The following RMDN2 variants were observed in gnomAD, a reference collection of about 807,000 sequenced individuals.
RMDN2 encodes the protein regulator of microtubule dynamics 2.
RMDN2 carries 61 observed loss-of-function variants against 52.8 expected under a neutral mutation model. The observed-to-expected ratio is 1.16, with a 90% CI of 0.94 to 1.43. The LOEUF (loss-of-function observed/expected upper bound fraction) is 1.43, where lower values mean the gene tolerates loss of function less well. Among genes scored for constraint, RMDN2 ranks in the 40% most tolerant of loss-of-function variants. The pLI is 0.00. For missense variants in RMDN2, 592 were observed against 475.3 expected, an observed-to-expected ratio of 1.25 and a Z score of -2.28; for synonymous variants, 180 against 153.1, an observed-to-expected ratio of 1.18 and a Z score of -1.30.
intron 2 of RMDN2, chr2:37,951,984 A>T (rs368297189): frequency 6.2e-7 from 1 of 1,613,380 alleles, no homozygotes; most frequent in Admixed American, 1.7e-5. Flanking sequence ...TGAAAGTTAC[A>T]GCACAGATCA....
At chr2:37,940,287 C>G (rs765791607) in intron 2 of RMDN2, among the ~76,000 whole-genome samples, 1 of 152,122 alleles carries the variant, frequency 6.6e-6, no homozygotes, top group Non-Finnish European at 1.5e-5. Flanking sequence ...GTGGGTAACT[C>G]GACCTTTCTC....
Position 37,929,717 on chromosome 2 carries a change from A to T in RMDN2, c.440A>T (p.Glu147Val), listed in dbSNP as rs1666564316. The change falls in exon 2 of 11, where the codon GAA becomes GTA. Residue 147 changes from glutamate (E) to valine (V), a missense_variant. Physicochemically the swap from Glu to Val is moderately radical, Grantham distance 121. Coordinates refer to ENST00000354545, the MANE Select transcript of RMDN2 (RefSeq NM_001170791.3). ...ACAAGTAATAGTTCAGAGGAAGCAG[A>T]AAGTGAAGGAGGGTAAGTTTCTTTA... ...SATSNSSEEA[E>V]SEGGYITANT... 1 of 1,507,740 alleles carries T rather than the reference A, an allele frequency of 6.6e-7. No individual in the cohort carries two copies. Among genetic ancestry groups the T allele is most frequent in the African/African-American group, 1.4e-5 (1 of 70,464 alleles). 93.4% of individuals were successfully genotyped at this position (1,507,740 alleles called of 1,614,324 possible).
intron 5 of RMDN2, 54 bp from the exon 6 acceptor site, chr2:37,989,487 T>C: frequency 8.8e-7 from 1 of 1,137,540 alleles, no homozygotes; most frequent in Non-Finnish European, 1.3e-6. Flanking sequence ...TGGTGGCATT[T>C]TGTTAAAAAT....
chr2:38,012,973 C>T (rs1050204982), intron 10 of RMDN2, among the ~76,000 whole-genome samples: 1 of 152,214 alleles, frequency 6.6e-6, no homozygotes, highest in Non-Finnish European at 1.5e-5. Flanking sequence ...GCTCATCACA[C>T]TGCTAGTTGA....
chr2:37,978,777 C>CAGATAGATAGATAGATAGAT lies in RMDN2; in HGVS notation c.731-2486_731-2467dup, dbSNP rs1213724373. ...TGGGTAACAGAGCAAGACCCTTTCT[C>CAGATAGATAGATAGATAGAT]AGATAGATAGATAGATAGATAGATA... On this transcript the variant is annotated intron_variant, in intron 4 of 10. Transcript: ENST00000354545. Among the ~76,000 whole-genome samples, 779 of 148,856 alleles carry CAGATAGATAGATAGATAGAT rather than the reference C, an allele frequency of 5.2e-3. 1 individual carries two copies. Among genetic ancestry groups the CAGATAGATAGATAGATAGAT allele is most frequent in the Middle Eastern group, 0.01 (3 of 292 alleles).
intron 7 of RMDN2, among the ~76,000 whole-genome samples, chr2:37,993,933 C>A (rs1385817033): frequency 6.6e-6 from 1 of 152,150 alleles, no homozygotes; most frequent in African/African-American, 2.4e-5. Context: ...CTTCAATGTA[C>A]ATTACCTGTC....
chr2:37,927,259 ATGT>A (rs1461996866), intron 1 of RMDN2, among the ~76,000 whole-genome samples: 1 of 152,228 alleles, frequency 6.6e-6, no homozygotes, highest in African/African-American at 2.4e-5. Context: ...AATCTCCCAC[ATGT>A]TGTGGGTGCA....
intron 10 of RMDN2, among the ~76,000 whole-genome samples, chr2:38,006,420 G>A (rs192987453): frequency 2.6e-4 from 39 of 152,196 alleles, no homozygotes; most frequent in East Asian, 1.7e-3. Flanking sequence ...GGTCCTTCAC[G>A]TCCCTTGTAA....
chr2:38,009,131 C>G (rs1202427467), intron 10 of RMDN2, among the ~76,000 whole-genome samples: 2 of 152,186 alleles, frequency 1.3e-5, no homozygotes, highest in African/African-American at 4.8e-5. Flanking sequence ...TCTGGCTGCC[C>G]TTAACATTTT....
At chr2:38,000,191 A>G (rs1407526717) in intron 8 of RMDN2, among the ~76,000 whole-genome samples, 3 of 152,140 alleles carry the variant, frequency 2.0e-5, no homozygotes, top group African/African-American at 7.2e-5. Flanking sequence ...AAACTATAGC[A>G]TGCTTCCCAC....
chr2:37,948,627 A>G (rs1381667592), intron 2 of RMDN2, among the ~76,000 whole-genome samples: 3 of 152,162 alleles, frequency 2.0e-5, no homozygotes, highest in Non-Finnish European at 4.4e-5. Context: ...AAAGGAGGCA[A>G]TTTGCAGACA....
downstream of RMDN2, among the ~76,000 whole-genome samples, chr2:38,019,819 G>A (rs778393053): frequency 5.9e-5 from 9 of 152,098 alleles, no homozygotes; most frequent in Non-Finnish European, 8.8e-5. Context: ...CAGCTACTTG[G>A]GAGGCTGAGG....
chr2:38,048,178 C>T (rs1167644865), intron 10 of RMDN2, among the ~76,000 whole-genome samples: 1 of 152,248 alleles, frequency 6.6e-6, no homozygotes, highest in African/African-American at 2.4e-5. Flanking sequence ...GGCTTTGCTG[C>T]AGTCCTCCCT....
At chr2:37,938,873 G>C (rs897871879) in intron 2 of RMDN2, among the ~76,000 whole-genome samples, 1 of 152,044 alleles carries the variant, frequency 6.6e-6, no homozygotes, top group African/African-American at 2.4e-5. Flanking sequence ...ATTTTTTGAA[G>C]AGTTTTTTGA....
intron 5 of RMDN2, among the ~76,000 whole-genome samples, chr2:37,986,189 TC>T: frequency 6.6e-6 from 1 of 152,288 alleles, no homozygotes; most frequent in South Asian, 2.1e-4. Flanking sequence ...TTAGAATTGT[TC>T]CCCAAACTGG....
chr2:38,000,036 A>G (rs577503844), intron 8 of RMDN2, among the ~76,000 whole-genome samples: 3 of 152,344 alleles, frequency 2.0e-5, no homozygotes, highest in Non-Finnish European at 2.9e-5. Flanking sequence ...AACATGTTAA[A>G]TGTTCTAACT....
chr2:37,968,734 A>G (rs1395520786), intron 2 of RMDN2, among the ~76,000 whole-genome samples: 2 of 152,184 alleles, frequency 1.3e-5, no homozygotes, highest in East Asian at 1.9e-4. Context: ...TGCATGTAGA[A>G]CAAATGTTTG....
Position 37,929,382 on chromosome 2 carries a change from A to G in RMDN2, c.105A>G (p.Ile35Met). The change falls in exon 2 of 11, where the codon ATA becomes ATG. Residue 35 changes from isoleucine to methionine, a missense_variant. Ile to Met is a conservative substitution (Grantham distance 10, BLOSUM62 1). Transcript: ENST00000354545. ...LWYHKVRKPG[I>M]AMKLPEFLSL... The stretch of plus-strand genomic sequence containing the variant: ...ACCACAAGGTCCGTAAACCAGGGAT[A>G]GCAATGAAGTTACCTGAATTTCTTT... The G allele has an allele frequency of 6.4e-7, 1 of 1,551,604 alleles. No homozygotes were observed. Among genetic ancestry groups the G allele is most frequent in the Non-Finnish European group, 8.7e-7 (1 of 1,146,712 alleles).
chr2:38,036,035 A>T (rs1448631846), intron 10 of RMDN2: 1 of 152,208 alleles, frequency 6.6e-6, no homozygotes, highest in African/African-American at 2.4e-5. Context: ...TAGAAAAAAA[A>T]AAAGATAAGA....
Sources: gnomAD v4.1 joint callset for allele counts (sites outside exome capture counted in the v4.1 genomes callset) on GRCh38, gnomAD v4.1.1 for gene constraint, MANE v1.5 for transcripts, NCBI Gene and HGNC (gene_info 2026-07-23, HGNC 2026-07-21) for gene names.